The following CCDC158 variants were observed in gnomAD, a reference collection of about 807,000 sequenced individuals.
CCDC158 encodes coiled-coil domain-containing protein 158.
A neutral mutation model predicts 138.6 loss-of-function variants in CCDC158; 116 were observed. The ratio of observed to expected loss-of-function variants is 0.84; its 90% CI spans 0.72 to 0.98. The LOEUF is 0.98. Ranked by LOEUF, CCDC158 falls within the 50% of genes least tolerant of loss-of-function variation. The pLI is 0.00. For synonymous variants in CCDC158, 436 were observed against 442.4 expected, an observed-to-expected ratio of 0.99 and a Z score of 0.18; for missense variants, 1,265 against 1,306.1, an observed-to-expected ratio of 0.97 and a Z score of 0.48.
intron 13 of CCDC158, among the ~76,000 whole-genome samples, chr4:76,357,803 T>A (rs1356334296): frequency 6.6e-6 from 1 of 152,178 alleles, no homozygotes; most frequent in East Asian, 1.9e-4. Flanking sequence ...AGTTATCTCA[T>A]CTTAAACCTT....
chr4:76,405,193 C>T (rs1728719308), intron 2 of CCDC158, among the ~76,000 whole-genome samples: 1 of 151,970 alleles, frequency 6.6e-6, no homozygotes, highest in South Asian at 2.1e-4. Flanking sequence ...TAGACTGGCA[C>T]CAGGTTATTA....
intron 15 of CCDC158, among the ~76,000 whole-genome samples, chr4:76,353,987 G>A (rs193191429): frequency 9.1e-4 from 138 of 152,294 alleles, no homozygotes; most frequent in Non-Finnish European, 1.6e-3. Context: ...AAATAAGGTA[G>A]AAGGTGTTGC....
At chr4:76,407,829 A>G (rs966839205) in intron 2 of CCDC158, among the ~76,000 whole-genome samples, 1 of 152,164 alleles carries the variant, frequency 6.6e-6, no homozygotes, top group Admixed American at 6.5e-5. Flanking sequence ...AAAAGAAGAA[A>G]GAGGAAGGTT....
intron 2 of CCDC158, among the ~76,000 whole-genome samples, chr4:76,409,331 A>G (rs1049069159): frequency 9.3e-5 from 13 of 139,136 alleles, no homozygotes; most frequent in African/African-American, 3.0e-4. Flanking sequence ...GCTTCAATAA[A>G]TCATAAAATT....
chr4:76,362,085 G>T, intron 13 of CCDC158, 41 bp downstream of exon 13: 1 of 1,569,950 alleles, frequency 6.4e-7, no homozygotes, highest in Non-Finnish European at 8.7e-7. Context: ...TCACTGCTAA[G>T]ACTCTTATTT....
Position 76,371,457 on chromosome 4 carries a change from T to C in CCDC158, c.1109A>G (p.Gln370Arg). Residue 370 changes from glutamine to arginine, a missense_variant, in exon 10 of 25, where the codon CAG (glutamine) becomes CGG (arginine). By Grantham distance (43) the Gln-to-Arg change is conservative. Transcript: ENST00000682701. ...EARTERDQFS[Q>R]ESGNLDDQLQ... ...TTGATCATCTAAATTTCCAGATTCCTGACTGAATTGATCACGCTCTGTCCG... is the reference window on the plus strand; with the variant it reads ...TTGATCATCTAAATTTCCAGATTCCCGACTGAATTGATCACGCTCTGTCCG... The C allele has an allele frequency of 1.2e-6, 2 of 1,614,152 alleles. No homozygotes were observed. Among genetic ancestry groups the C allele is most frequent in the Non-Finnish European group, 1.7e-6 (2 of 1,179,982 alleles).
intron 24 of CCDC158, among the ~76,000 whole-genome samples, chr4:76,320,913 G>A (rs936877101): frequency 6.6e-6 from 1 of 152,120 alleles, no homozygotes; most frequent in Non-Finnish European, 1.5e-5. Context: ...AAATAGATGG[G>A]ACCTAGTTAA....
At chr4:76,354,123 T>C (rs558686551) in intron 15 of CCDC158, among the ~76,000 whole-genome samples, 5 of 150,252 alleles carry the variant, frequency 3.3e-5, no homozygotes, top group Non-Finnish European at 5.9e-5. Context: ...AGAGCTACGA[T>C]GAATATTTTC....
rs760752952 is a variant in CCDC158, at chr4:76,357,363, A to T, written c.2173+11T>A. ...AACAGAAGAAAAAATTTTAAATCTA[A>T]CAGAGCATACCATGACCATCAGATC... On this transcript the variant is annotated intron_variant, in intron 14 of 24. Coordinates refer to ENST00000682701, the MANE Select transcript of CCDC158 (RefSeq NM_001394954.1). The T allele has an allele frequency of 9.5e-6, 14 of 1,481,460 alleles. No homozygotes were observed. The Admixed American group carries it at 1.0e-4, about 11-fold the overall frequency. 91.8% of individuals were successfully genotyped at this position (1,481,460 alleles called of 1,614,324 possible). A position where few individuals can be genotyped will look rare whatever the true frequency, so the allele number is the denominator to read the frequency against.
At chr4:76,391,719 T>G (rs1443850526) in intron 4 of CCDC158, among the ~76,000 whole-genome samples, 1 of 151,428 alleles carries the variant, frequency 6.6e-6, no homozygotes, top group African/African-American at 2.4e-5. Context: ...AAAAGATCAA[T>G]GAAACAGAAT....
rs1719039147 is a variant in CCDC158, at chr4:76,313,086, G to A, written c.*84C>T. ...CTTTTATTAAATTTTCACATAAAAA[G>A]AAAAAGTACACAGGGCACTAATTAC... On this transcript the variant is annotated 3_prime_UTR_variant, in exon 25 of 25. Coordinates refer to ENST00000682701, the MANE Select transcript of CCDC158 (RefSeq NM_001394954.1). The A allele has an allele frequency of 2.6e-6, 2 of 765,762 alleles. No individual in the cohort carries two copies. Among genetic ancestry groups the A allele is most frequent in the South Asian group, 4.3e-5 (2 of 46,300 alleles). The allele number at this position is 765,762 out of a possible 1,614,324, so 47.4% of individuals were successfully genotyped here.
intron 22 of CCDC158, among the ~76,000 whole-genome samples, chr4:76,326,878 G>A (rs1416080266): frequency 6.6e-6 from 1 of 152,104 alleles, no homozygotes; most frequent in Non-Finnish European, 1.5e-5. Context: ...TACATTAAAA[G>A]AAGCTTTAAA....
chr4:76,356,240 G>A (rs1461639924), intron 14 of CCDC158, among the ~76,000 whole-genome samples: 1 of 152,008 alleles, frequency 6.6e-6, no homozygotes, highest in Admixed American at 6.6e-5. Context: ...GTCAAAACAG[G>A]GTTAAACTGA....
intron 15 of CCDC158, among the ~76,000 whole-genome samples, chr4:76,353,853 C>T (rs376178204): frequency 1.3e-5 from 2 of 152,126 alleles, no homozygotes; most frequent in African/African-American, 4.8e-5. Context: ...GTTCATCCCT[C>T]CAAAAAAGCG....
chr4:76,369,444 C>T lies in CCDC158; in HGVS notation c.1329G>A (p.Gln443=), dbSNP rs1725017143. 1 of 1,614,040 alleles carries T rather than the reference C, an allele frequency of 6.2e-7. No homozygotes were observed. Residue 443 remains glutamine, a synonymous_variant, in exon 11 of 25, where the codon CAG becomes CAA. Coordinates refer to ENST00000682701, the MANE Select transcript of CCDC158 (RefSeq NM_001394954.1). ...CACTGACCTGCCGCTCCATCTGGCCCTGACACTCGCTCTTCAAGGCCTTGA... is the reference window on the plus strand; with the variant it reads ...CACTGACCTGCCGCTCCATCTGGCCTTGACACTCGCTCTTCAAGGCCTTGA... ...ALLKALKSEC[Q]GQMERQMAAI...
In CCDC158 at chr4:76,364,132, T is replaced by A. The variant is rs139762426; in HGVS notation, c.1831-1817A>T. Among the ~76,000 whole-genome samples the A allele has an allele frequency of 2.8e-3, 421 of 152,302 alleles. 2 individuals carry two copies. Among genetic ancestry groups the A allele is most frequent in the African/African-American group, 9.2e-3 (382 of 41,558 alleles). ...CACAGAGGGCCTTCCCCTACAATCC[T>A]TTCTGACTCTTCTCTGTTAGAGGCA... On this transcript the variant is annotated intron_variant, in intron 12 of 24. Coordinates refer to ENST00000682701, the MANE Select transcript of CCDC158 (RefSeq NM_001394954.1).
chr4:76,325,309 C>T (rs554720332), intron 23 of CCDC158, among the ~76,000 whole-genome samples: 26 of 152,174 alleles, frequency 1.7e-4, no homozygotes, highest in Non-Finnish European at 3.1e-4. Context: ...GTTGTTTGGT[C>T]ACTGTCATAC....
At chr4:76,383,580 A>G in intron 7 of CCDC158, 82 bp downstream of exon 7, 2 of 950,210 alleles carry the variant, frequency 2.1e-6, no homozygotes, top group South Asian at 2.7e-5. Context: ...AGAGCTGTTT[A>G]GATTTTGGAA....
chr4:76,398,680 A>AAG (rs1728053175), intron 3 of CCDC158, among the ~76,000 whole-genome samples: 1 of 151,702 alleles, frequency 6.6e-6, no homozygotes, highest in Non-Finnish European at 1.5e-5. Context: ...AAAAAAAAAA[A>AAG]AAAAGTATAC....
Sources: gnomAD v4.1 joint callset for allele counts (sites outside exome capture counted in the v4.1 genomes callset) on GRCh38, gnomAD v4.1.1 for gene constraint, MANE v1.5 for transcripts, NCBI Gene and HGNC (gene_info 2026-07-23, HGNC 2026-07-21) for gene names.